The following MMP16 variants were observed in gnomAD, a reference collection of about 807,000 sequenced individuals.
MMP16 encodes matrix metalloproteinase-16.
MMP16 carries 12 observed loss-of-function variants against 67.8 expected under a neutral mutation model. That is an observed-to-expected ratio of 0.18 (90% CI 0.11 to 0.29). The LOEUF (loss-of-function observed/expected upper bound fraction) is 0.29, where lower values mean the gene tolerates loss of function less well. Among genes scored for constraint, MMP16 ranks in the 10% least tolerant of loss-of-function variants. The pLI, the probability that MMP16 is intolerant of heterozygous loss-of-function variation, is 1.00. For synonymous variants in MMP16, 249 were observed against 255.9 expected, an observed-to-expected ratio of 0.97 and a Z score of 0.26; for missense variants, 475 against 765.7, an observed-to-expected ratio of 0.62 and a Z score of 4.48.
rs1168481876 is a variant in MMP16 at position 88,106,010 on chromosome 8, AC to A, written c.1083+10496del. 4.0e-5 allele frequency among the ~76,000 whole-genome samples: 6 copies of A among 149,406 alleles called. No individual in the cohort carries two copies. In the East Asian group the frequency reaches 1.2e-3, roughly 30 times the overall value. Reference sequence around the variant, plus strand: ...TGTATATATGCAAATACATATACACACACATGCATATATATACGTGTATATA... The same window carrying A: ...TGTATATATGCAAATACATATACACAACATGCATATATATACGTGTATATA... On this transcript the variant is annotated intron_variant, in intron 6 of 9. Coordinates refer to ENST00000286614, the MANE Select transcript of MMP16 (RefSeq NM_005941.5).
intron 1 of MMP16, among the ~76,000 whole-genome samples, chr8:88,282,537 T>C (rs1040233801): frequency 3.3e-5 from 5 of 152,230 alleles, no homozygotes; most frequent in African/African-American, 1.2e-4. Flanking sequence ...TAGATAGATA[T>C]GCTACTTTCT....
In MMP16 at chr8:88,265,223, C is replaced by CTTTTT. The variant is rs398008661; in HGVS notation, c.132+61847_132+61851dup. Reference sequence around the variant, plus strand: ...AACTAAGGGTAGAAATGACCATTTCCTTTTTTTTTTTTTTTTTTTTCAGAT... The same window carrying CTTTTT: ...AACTAAGGGTAGAAATGACCATTTCCTTTTTTTTTTTTTTTTTTTTTTTTTCAGAT... On this transcript the variant is annotated intron_variant, in intron 1 of 9. Transcript: ENST00000286614. Among the ~76,000 whole-genome samples the CTTTTT allele has an allele frequency of 6.5e-4, 65 of 100,748 alleles. 5 individuals are homozygous for CTTTTT. Among genetic ancestry groups the CTTTTT allele is most frequent in the South Asian group, 6.2e-3 (17 of 2,732 alleles). 66.1% of individuals were successfully genotyped at this position (100,748 alleles called of 152,430 possible).
intron 6 of MMP16, among the ~76,000 whole-genome samples, chr8:88,082,283 G>A (rs935962267): frequency 3.3e-5 from 5 of 152,138 alleles, no homozygotes; most frequent in African/African-American, 9.6e-5. Flanking sequence ...TTGATCTCAC[G>A]GCTTGTAGGA....
At position 88,245,948 on chromosome 8, in the gene MMP16, C is replaced by T. The variant is rs145972299; in HGVS notation, c.133-48642G>A. Reference sequence around the variant, plus strand: ...AAAAATGTATGATTAATGTTAAGTGCATTTTCAAGTTCACTTTTCTCTTCT... The same window carrying T: ...AAAAATGTATGATTAATGTTAAGTGTATTTTCAAGTTCACTTTTCTCTTCT... On this transcript the variant is annotated intron_variant, in intron 1 of 9. Transcript: ENST00000286614. Among the ~76,000 whole-genome samples, 104 of 152,254 alleles carry T rather than the reference C, an allele frequency of 6.8e-4. 1 individual carries two copies. Among genetic ancestry groups the T allele is most frequent in the African/African-American group, 2.5e-3 (102 of 41,548 alleles).
At chr8:88,143,356 A>G (rs1293206346) in intron 4 of MMP16, among the ~76,000 whole-genome samples, 1 of 152,162 alleles carries the variant, frequency 6.6e-6, no homozygotes, top group Non-Finnish European at 1.5e-5. Flanking sequence ...ATGCTTTCTC[A>G]AAGACTCTTT....
chr8:88,148,632 T>C (rs1366113366), intron 4 of MMP16, among the ~76,000 whole-genome samples: 2 of 152,184 alleles, frequency 1.3e-5, no homozygotes, highest in African/African-American at 4.8e-5. Flanking sequence ...AAAACTCTAG[T>C]TTTAGCTCAC....
intron 1 of MMP16, among the ~76,000 whole-genome samples, chr8:88,267,934 C>T (rs369875847): frequency 1.3e-5 from 2 of 152,190 alleles, no homozygotes; most frequent in Admixed American, 1.3e-4. Context: ...AAAGAAACCA[C>T]AGTTTTTAAT....
chr8:88,183,749 CT>C (rs1286025249), intron 3 of MMP16, among the ~76,000 whole-genome samples: 4 of 111,400 alleles, frequency 3.6e-5, no homozygotes, highest in Non-Finnish European at 6.9e-5. Flanking sequence ...GAGTTTCACT[CT>C]TGTCATCCAG....
chr8:88,168,548 A>C (rs1049615648), intron 3 of MMP16, among the ~76,000 whole-genome samples: 3 of 152,198 alleles, frequency 2.0e-5, no homozygotes, highest in Non-Finnish European at 4.4e-5. Context: ...CAGCTATTTA[A>C]TACAAAGTTT....
intron 1 of MMP16, among the ~76,000 whole-genome samples, chr8:88,210,019 C>T (rs895251717): frequency 2.6e-5 from 4 of 152,106 alleles, no homozygotes; most frequent in African/African-American, 9.7e-5. Context: ...AGCTCTCTAT[C>T]CCTCTTTCCA....
In MMP16 at chr8:88,290,838, G is replaced by T. The variant is rs555298795; in HGVS notation, c.132+36237C>A. Among the ~76,000 whole-genome samples the T allele has an allele frequency of 4.6e-5, 7 of 151,884 alleles. No individual in the cohort carries two copies. In the South Asian group the frequency reaches 1.5e-3, roughly 32 times the overall value. On this transcript the variant is annotated intron_variant, in intron 1 of 9. Transcript: ENST00000286614. ...CCTTTTCTAAGATAAAAGGAAACAG[G>T]GAAGCAACCATAATCTAAGCTGGAT...
intron 4 of MMP16, among the ~76,000 whole-genome samples, chr8:88,139,871 A>G (rs978867644): frequency 6.6e-6 from 1 of 152,132 alleles, no homozygotes; most frequent in Non-Finnish European, 1.5e-5. Context: ...AGGTAATTTA[A>G]GTTCCTATTT....
intron 6 of MMP16, among the ~76,000 whole-genome samples, chr8:88,110,177 C>T (rs904511803): frequency 2.0e-5 from 3 of 151,114 alleles, no homozygotes; most frequent in African/African-American, 7.3e-5. Context: ...TTTAAACTCA[C>T]CCAAAAACAA....
chr8:88,069,613 G>T, intron 7 of MMP16: 1 of 446,460 alleles, frequency 2.2e-6, no homozygotes, highest in Non-Finnish European at 4.3e-6. Flanking sequence ...GCTAATTATA[G>T]AAAATTTAGG....
intron 1 of MMP16, among the ~76,000 whole-genome samples, chr8:88,244,549 T>C (rs1183197085): frequency 6.6e-6 from 1 of 152,282 alleles, no homozygotes; most frequent in African/African-American, 2.4e-5. Flanking sequence ...TACTGAGCAT[T>C]CTTTATGAAT....
At chr8:88,132,838 C>A (rs1463915454) in intron 4 of MMP16, among the ~76,000 whole-genome samples, 1 of 151,846 alleles carries the variant, frequency 6.6e-6, no homozygotes, top group African/African-American at 2.4e-5. Context: ...ACACCAGTAA[C>A]AATAGTGAAT....
At chr8:88,081,996 A>G (rs1005992892) in intron 6 of MMP16, among the ~76,000 whole-genome samples, 2 of 152,120 alleles carry the variant, frequency 1.3e-5, no homozygotes, top group Non-Finnish European at 2.9e-5. Context: ...GGCTGCTAAC[A>G]AAGTAAAAAG....
chr8:88,141,513 C>T (rs183506225), intron 4 of MMP16, among the ~76,000 whole-genome samples: 178 of 152,218 alleles, frequency 1.2e-3, no homozygotes, highest in Middle Eastern at 3.4e-3. Context: ...CCTGAATCCC[C>T]ACCTACAACT....
chr8:88,074,543 C>A, intron 7 of MMP16, 62 bp downstream of exon 7: 10 of 1,518,170 alleles, frequency 6.6e-6, no homozygotes, highest in Non-Finnish European at 9.0e-6. Flanking sequence ...TTTGTGTGCA[C>A]CACAGGGTCC....
Sources: gnomAD v4.1 joint callset for allele counts (sites outside exome capture counted in the v4.1 genomes callset) on GRCh38, gnomAD v4.1.1 for gene constraint, MANE v1.5 for transcripts, NCBI Gene and HGNC (gene_info 2026-07-23, HGNC 2026-07-21) for gene names.